TSPAN15: variants seen among roughly 807,000 people sequenced by gnomAD.
TSPAN15 encodes tetraspanin 15.
A neutral mutation model predicts 34.5 loss-of-function variants in TSPAN15; 20 were observed. The ratio of observed to expected loss-of-function variants is 0.58; its 90% CI spans 0.41 to 0.84. The LOEUF (loss-of-function observed/expected upper bound fraction) is 0.84. TSPAN15 is among the 40% of genes least tolerant of loss of function. TSPAN15 has a pLI of 0.00. For synonymous variants in TSPAN15, 155 were observed against 153.9 expected (o/e 1.01, Z -0.05); for missense variants, 313 against 386.1 (o/e 0.81, Z 1.59).
At chr10:69,533,118 G>T in the TSPAN15 span, among the ~76,000 whole-genome samples, 1 of 152,126 alleles carries the variant, frequency 6.6e-6, no homozygotes, top group Non-Finnish European at 1.5e-5. Flanking sequence ...AACAGTGTGG[G>T]GAGTCCTTAA....
chr10:69,531,510 G>A, the TSPAN15 span, among the ~76,000 whole-genome samples: 3 of 152,070 alleles, frequency 2.0e-5, no homozygotes, highest in South Asian at 6.2e-4. Context: ...GAGGTGGGAG[G>A]ATCACCTGAG....
At chr10:69,490,258 A>G (rs375899500) in intron 3 of TSPAN15, among the ~76,000 whole-genome samples, 3 of 152,188 alleles carry the variant, frequency 2.0e-5, no homozygotes, top group African/African-American at 7.2e-5. Flanking sequence ...ACCTGAATAT[A>G]TAAAGTTTTC....
intron 1 of TSPAN15, among the ~76,000 whole-genome samples, chr10:69,462,638 C>T (rs1841295745): frequency 6.6e-6 from 1 of 152,074 alleles, no homozygotes; most frequent in Non-Finnish European, 1.5e-5. Context: ...CCTGGCCCTA[C>T]CTGTGATTTT....
chr10:69,504,460 G>A lies in TSPAN15; in HGVS notation c.593G>A (p.Cys198Tyr), dbSNP rs1842282155. ...RNTTEVVNTM[C>Y]GYKTIDKERF... ...CAGACAGAAGTTGTCAACACCATGT[G>A]TGGCTACAAAACTATCGACAAGGAG... Residue 198 changes from cysteine (C) to tyrosine (Y), a missense_variant, in exon 6 of 8, where the codon TGT becomes TAT. Cys to Tyr is a radical substitution (Grantham distance 194). Transcript: ENST00000373290. The A allele has an allele frequency of 6.2e-7, 1 of 1,614,086 alleles. No individual in the cohort carries two copies. Among genetic ancestry groups the A allele is most frequent in the Non-Finnish European group, 8.5e-7 (1 of 1,179,938 alleles).
At chr10:69,468,315 T>A (rs1841432308) in intron 1 of TSPAN15, among the ~76,000 whole-genome samples, 1 of 152,178 alleles carries the variant, frequency 6.6e-6, no homozygotes, top group Non-Finnish European at 1.5e-5. Context: ...TGTGCCCTGG[T>A]GTGGCCGGGT....
At chr10:69,539,552 AGAAGG>A in the TSPAN15 span, among the ~76,000 whole-genome samples, 22 of 100,118 alleles carry the variant, frequency 2.2e-4, 2 homozygotes, top group African/African-American at 3.2e-4. Context: ...AAGGAGAAGG[AGAAGG>A]AGAAGGAGAA....
At chr10:69,463,243 C>T (rs1841309133) in intron 1 of TSPAN15, among the ~76,000 whole-genome samples, 2 of 152,238 alleles carry the variant, frequency 1.3e-5, no homozygotes, top group East Asian at 1.9e-4. Flanking sequence ...AATGATATCT[C>T]GAGTTTGAGA....
Position 69,506,055 on chromosome 10 carries a change from CAG to C in TSPAN15, c.619-66_619-65del, listed in dbSNP as rs1253385599. 1 of 1,340,408 alleles carries C rather than the reference CAG, an allele frequency of 7.5e-7. No homozygotes were observed. Among genetic ancestry groups the C allele is most frequent in the Admixed American group, 1.7e-5 (1 of 57,540 alleles). The allele number at this position is 1,340,408 out of a possible 1,614,324, so 83.0% of individuals were successfully genotyped here. A position where few individuals can be genotyped will look rare whatever the true frequency, so the allele number is the denominator to read the frequency against. On this transcript the variant is annotated intron_variant, in intron 6 of 7. Transcript: ENST00000373290. The surrounding 1 kb of genome is among the most constrained non-coding windows in gnomAD (Gnocchi z 4.7). ...ACTAGCCTGGACCTTGTGTACATGG[CAG>C]AGTCGGGGCTGTGGCTCCTGCCAGC...
chr10:69,528,214 C>T, the TSPAN15 span, among the ~76,000 whole-genome samples: 118 of 148,596 alleles, frequency 7.9e-4, 12 homozygotes, highest in African/African-American at 1.8e-3. Flanking sequence ...GTTTCTGTGA[C>T]GCTGTGGCTG....
chr10:69,472,679 T>C (rs987172126), intron 1 of TSPAN15, among the ~76,000 whole-genome samples: 4 of 152,196 alleles, frequency 2.6e-5, no homozygotes, highest in African/African-American at 9.7e-5. Context: ...GGTTTTGAAA[T>C]GTCAGCATTA....
chr10:69,462,373 C>T (rs370178569), intron 1 of TSPAN15, among the ~76,000 whole-genome samples: 3 of 151,778 alleles, frequency 2.0e-5, no homozygotes, highest in East Asian at 3.9e-4. Context: ...CTTGCTCTGT[C>T]GCCCAGGCTG....
At chr10:69,458,650 C>T (rs1294020913) in intron 1 of TSPAN15, among the ~76,000 whole-genome samples, 2 of 152,090 alleles carry the variant, frequency 1.3e-5, no homozygotes, top group Non-Finnish European at 2.9e-5. Flanking sequence ...GCTCAGGCCT[C>T]GGGCACAGAG....
chr10:69,530,775 TGAGA>T, the TSPAN15 span, among the ~76,000 whole-genome samples: 1 of 106,774 alleles, frequency 9.4e-6, no homozygotes, highest in Non-Finnish European at 1.9e-5. Flanking sequence ...GGTGACAGAG[TGAGA>T]CTCTCTCTCT....
At chr10:69,539,539 G>A in the TSPAN15 span, among the ~76,000 whole-genome samples, 8,536 of 40,218 alleles carry the variant, frequency 0.21, 769 homozygotes, top group East Asian at 0.28. Flanking sequence ...GAAGAAGAAG[G>A]AGAAGGAGAA....
At chr10:69,548,025 G>A in the TSPAN15 span, among the ~76,000 whole-genome samples, 4 of 152,218 alleles carry the variant, frequency 2.6e-5, no homozygotes, top group African/African-American at 9.6e-5. Flanking sequence ...GCTCTGAAGG[G>A]AGAGGCTTGA....
At chr10:69,495,533 C>G (rs1255329078) in intron 3 of TSPAN15, 61 bp from the exon 4 acceptor site, 3 of 1,294,442 alleles carry the variant, frequency 2.3e-6, no homozygotes, top group Non-Finnish European at 3.4e-6. Context: ...TTCTGGAAAA[C>G]CTTGGGTTGG....
the TSPAN15 span, among the ~76,000 whole-genome samples, chr10:69,523,159 T>C: frequency 4.7e-5 from 7 of 148,350 alleles, no homozygotes; most frequent in Non-Finnish European, 7.4e-5. Context: ...TTTCTCACCA[T>C]TTATTTAAAA....
At chr10:69,539,531 A>AG in the TSPAN15 span, among the ~76,000 whole-genome samples, 28 of 95,122 alleles carry the variant, frequency 2.9e-4, no homozygotes, top group African/African-American at 1.0e-3. Flanking sequence ...AAGAAGAAGA[A>AG]GAAGAAGGAG....
chr10:69,517,141 C>A, the TSPAN15 span, among the ~76,000 whole-genome samples: 2 of 152,168 alleles, frequency 1.3e-5, no homozygotes, highest in Non-Finnish European at 2.9e-5. Flanking sequence ...TACGGGTGCC[C>A]TTTGATGTCA....
Sources: allele counts gnomAD v4.1 joint callset (sites outside exome capture counted in the v4.1 genomes callset), GRCh38; gene constraint gnomAD v4.1.1; non-coding constraint Gnocchi (gnomAD v3.1); transcripts MANE v1.5; gene names NCBI Gene and HGNC (gene_info 2026-07-23, HGNC 2026-07-21).